SNTB1: variants seen among roughly 807,000 people sequenced by gnomAD.
SNTB1 encodes beta-1-syntrophin.
In SNTB1, 36 loss-of-function variants were observed where a neutral mutation model predicts 48.9. That is an observed-to-expected ratio of 0.74 (90% CI 0.56 to 0.97). The LOEUF (loss-of-function observed/expected upper bound fraction) is 0.97, where lower values mean the gene tolerates loss of function less well. Among genes scored for constraint, SNTB1 ranks in the 50% least tolerant of loss-of-function variants. The pLI is 0.00. For synonymous variants in SNTB1, 299 were observed against 294.6 expected, an observed-to-expected ratio of 1.01 and a Z score of -0.15; for missense variants, 786 against 703.4, an observed-to-expected ratio of 1.12 and a Z score of -1.33.
At chr8:120,653,515 G>A (rs1325285632) in intron 2 of SNTB1, among the ~76,000 whole-genome samples, 9 of 152,144 alleles carry the variant, frequency 5.9e-5, no homozygotes, top group East Asian at 1.9e-4. Context: ...AAAGCTGAGC[G>A]AGGATAAATT....
At chr8:120,614,951 C>A (rs1305430894) in intron 3 of SNTB1, among the ~76,000 whole-genome samples, 1 of 129,646 alleles carries the variant, frequency 7.7e-6, no homozygotes, top group Non-Finnish European at 1.5e-5. Context: ...CCATCCTGGC[C>A]AACATGGTGA....
At chr8:120,789,412 T>C (rs1467915166) in intron 1 of SNTB1, among the ~76,000 whole-genome samples, 1 of 151,474 alleles carries the variant, frequency 6.6e-6, no homozygotes, top group African/African-American at 2.4e-5. Flanking sequence ...TCTAATGAAA[T>C]TGAAACCAAA....
intron 1 of SNTB1, among the ~76,000 whole-genome samples, chr8:120,721,677 A>G (rs879066312): frequency 2.6e-5 from 4 of 151,952 alleles, no homozygotes; most frequent in African/African-American, 9.7e-5. Context: ...TTCCTTAGGG[A>G]AAAAAAATGA....
In SNTB1 at chr8:120,580,828, C is replaced by A. The variant is rs907454662; in HGVS notation, c.997-5603G>T. Among the ~76,000 whole-genome samples the A allele has an allele frequency of 3.3e-5, 5 of 152,154 alleles. No individual in the cohort carries two copies. The East Asian group carries it at 9.6e-4, about 29-fold the overall frequency. On this transcript the variant is annotated intron_variant, in intron 3 of 6. Transcript: ENST00000517992. ...GAGAAACAGCATTTAAATGTGGCCACAGGCACATAGGGACAGGGCTAAGCA... is the reference window on the plus strand; with the variant it reads ...GAGAAACAGCATTTAAATGTGGCCAAAGGCACATAGGGACAGGGCTAAGCA...
chr8:120,807,426 G>A (rs1263116952), intron 1 of SNTB1, among the ~76,000 whole-genome samples: 2 of 152,218 alleles, frequency 1.3e-5, no homozygotes, highest in Non-Finnish European at 2.9e-5. Context: ...ATGGCTGGAT[G>A]CGCAGTCCCT....
chr8:120,730,962 A>C (rs1818840628), intron 1 of SNTB1, among the ~76,000 whole-genome samples: 1 of 152,002 alleles, frequency 6.6e-6, no homozygotes, highest in Non-Finnish European at 1.5e-5. Flanking sequence ...CTCTACTAAA[A>C]ATACAAAAAT....
At chr8:120,587,169 C>T (rs367694627) in intron 3 of SNTB1, among the ~76,000 whole-genome samples, 6 of 152,124 alleles carry the variant, frequency 3.9e-5, no homozygotes, top group East Asian at 1.9e-4. Context: ...TGCGGTGAGC[C>T]GAGATCGCAC....
chr8:120,664,134 A>G (rs908652251), intron 2 of SNTB1, among the ~76,000 whole-genome samples: 1 of 152,224 alleles, frequency 6.6e-6, no homozygotes, highest in Non-Finnish European at 1.5e-5. Flanking sequence ...CACAGCATAT[A>G]CAAGGAAGGA....
intron 2 of SNTB1, among the ~76,000 whole-genome samples, chr8:120,690,422 T>G (rs749610508): frequency 1.3e-5 from 2 of 152,236 alleles, no homozygotes; most frequent in African/African-American, 2.4e-5. Flanking sequence ...CTATTTCTTC[T>G]TGCATCTTCT....
At chr8:120,695,463 C>T (rs931463034) in intron 1 of SNTB1, among the ~76,000 whole-genome samples, 3 of 152,138 alleles carry the variant, frequency 2.0e-5, no homozygotes, top group East Asian at 1.9e-4. Context: ...CAACAGAAGC[C>T]GCTAAGCTCA....
intron 1 of SNTB1, among the ~76,000 whole-genome samples, chr8:120,781,923 G>A (rs1819835639): frequency 6.6e-6 from 1 of 152,206 alleles, no homozygotes; most frequent in Admixed American, 6.5e-5. Context: ...ATATAGCCAG[G>A]TGTATTAGTT....
intron 2 of SNTB1, among the ~76,000 whole-genome samples, chr8:120,671,735 A>G (rs1817760221): frequency 6.6e-6 from 1 of 152,244 alleles, no homozygotes; most frequent in Admixed American, 6.5e-5. Context: ...GAAAACTAAT[A>G]TACCTGCCAT....
chr8:120,571,240 T>C lies in SNTB1; in HGVS notation c.1136+3846A>G, dbSNP rs903873579. 1.0e-5 allele frequency: 13 copies of C among 1,272,532 alleles called. No homozygotes were observed. The African/African-American group carries it at 1.7e-4, about 17-fold the overall frequency. 78.8% of individuals were successfully genotyped at this position (1,272,532 alleles called of 1,614,324 possible). A position where few individuals can be genotyped will look rare whatever the true frequency, so the allele number is the denominator to read the frequency against. On this transcript the variant is annotated intron_variant, in intron 4 of 6. Coordinates refer to ENST00000517992, the MANE Select transcript of SNTB1 (RefSeq NM_021021.4). Reference sequence around the variant, plus strand: ...TTTCAACTTTTGTTTCTGAGAATCATTTCAAGATGCTTGGGTCCAACTTTG... The same window carrying C: ...TTTCAACTTTTGTTTCTGAGAATCACTTCAAGATGCTTGGGTCCAACTTTG...
At chr8:120,653,521 A>G (rs1817443873) in intron 2 of SNTB1, among the ~76,000 whole-genome samples, 1 of 152,298 alleles carries the variant, frequency 6.6e-6, no homozygotes, top group Admixed American at 6.5e-5. Context: ...GAGCGAGGAT[A>G]AATTTCTACT....
intron 2 of SNTB1, among the ~76,000 whole-genome samples, chr8:120,679,975 T>C (rs1358278655): frequency 1.3e-5 from 2 of 152,190 alleles, no homozygotes; most frequent in African/African-American, 2.4e-5. Context: ...CAAGGAACTA[T>C]AGAACTATAT....
At chr8:120,803,546 C>T (rs1193060605) in intron 1 of SNTB1, among the ~76,000 whole-genome samples, 2 of 152,156 alleles carry the variant, frequency 1.3e-5, no homozygotes, top group Non-Finnish European at 2.9e-5. Flanking sequence ...CCAGTAGCTA[C>T]CACAGAATAA....
At chr8:120,562,869 C>A (rs1457407312) in intron 4 of SNTB1, among the ~76,000 whole-genome samples, 1 of 149,992 alleles carries the variant, frequency 6.7e-6, no homozygotes, top group African/African-American at 2.5e-5. Context: ...ACCCTTGCTA[C>A]CGCTCAAAAA....
intron 1 of SNTB1, among the ~76,000 whole-genome samples, chr8:120,698,200 C>G (rs192245419): frequency 6.6e-6 from 1 of 152,152 alleles, no homozygotes; most frequent in East Asian, 1.9e-4. Context: ...CTTCTTTATA[C>G]TTTGGATGGG....
At chr8:120,671,973 G>A (rs988570684) in intron 2 of SNTB1, among the ~76,000 whole-genome samples, 1 of 152,100 alleles carries the variant, frequency 6.6e-6, no homozygotes, top group Non-Finnish European at 1.5e-5. Context: ...AACTTATGAT[G>A]GTGCAAAAGC....
Sources: gnomAD v4.1 joint callset for allele counts (sites outside exome capture counted in the v4.1 genomes callset) on GRCh38, gnomAD v4.1.1 for gene constraint, MANE v1.5 for transcripts, NCBI Gene and HGNC (gene_info 2026-07-23, HGNC 2026-07-21) for gene names.